SERP2: variants seen among roughly 807,000 people sequenced by gnomAD.
The protein encoded by SERP2 is stress-associated endoplasmic reticulum protein 2.
SERP2 carries 6 observed loss-of-function variants against 9.1 expected under a neutral mutation model. The ratio of observed to expected loss-of-function variants is 0.66; its 90% CI spans 0.36 to 1.30. The LOEUF (loss-of-function observed/expected upper bound fraction) is 1.30, where lower values mean the gene tolerates loss of function less well. Among genes scored for constraint, SERP2 ranks in the 50% most tolerant of loss-of-function variants. The pLI, the probability that SERP2 is intolerant of heterozygous loss-of-function variation, is 0.03. For synonymous variants in SERP2, 37 were observed against 27.3 expected (o/e 1.35, Z -1.10); for missense variants, 58 against 81.9 (o/e 0.71, Z 1.13).
chr13:44,394,348 C>A (rs145223170), intron 2 of SERP2, among the ~76,000 whole-genome samples: 1,920 of 152,288 alleles, frequency 0.013, 44 homozygotes, highest in African/African-American at 0.043. Flanking sequence ...TGGTCTCAAT[C>A]TCTTGACCTC....
At chr13:44,377,287 T>G (rs369784486) in intron 1 of SERP2, among the ~76,000 whole-genome samples, 11 of 152,234 alleles carry the variant, frequency 7.2e-5, no homozygotes, top group African/African-American at 2.4e-4. Context: ...GCTTCTGAAT[T>G]CACTTATTAG....
At position 44,373,949 on chromosome 13, in the gene SERP2, G is replaced by A. The variant is rs1871459628; in HGVS notation, c.-77G>A. The A allele has an allele frequency of 2.2e-6, 3 of 1,382,336 alleles. No individual in the cohort carries two copies. The highest frequency in any genetic ancestry group is 4.3e-5 in the Admixed American group (2 of 46,994). The allele number at this position is 1,382,336 out of a possible 1,614,324, so 85.6% of individuals were successfully genotyped here. On this transcript the variant is annotated 5_prime_UTR_variant, in exon 1 of 3. Coordinates refer to ENST00000379179, the MANE Select transcript of SERP2 (RefSeq NM_001010897.3). The surrounding 1 kb of genome is among the most constrained non-coding windows in gnomAD (Gnocchi z 4.8). The stretch of plus-strand genomic sequence containing the variant: ...CGGGTGGGCCGCGGGGGCCTCGGCG[G>A]GACGCGCTCGGCCCTGTCGCAGGAG...
chr13:44,374,017 G>A lies in SERP2; in HGVS notation c.-9G>A. 1.9e-6 allele frequency: 3 copies of A among 1,592,642 alleles called. No homozygotes were observed. Among genetic ancestry groups the A allele is most frequent in the Non-Finnish European group, 2.6e-6 (3 of 1,169,622 alleles). ...CTTGCAGGTGGGAGCATTTCAGAGC[G>A]CACAAGCCATGGTGGCCAAACAGCG... On this transcript the variant is annotated 5_prime_UTR_variant, in exon 1 of 3. Transcript: ENST00000379179.
chr13:44,384,020 A>G (rs1872176478), intron 2 of SERP2, among the ~76,000 whole-genome samples: 1 of 152,052 alleles, frequency 6.6e-6, no homozygotes, highest in African/African-American at 2.4e-5. Flanking sequence ...TTTTTTAATC[A>G]TAACTAAAAA....
At chr13:44,380,151 C>G (rs1297691307) in intron 2 of SERP2, among the ~76,000 whole-genome samples, 1 of 152,144 alleles carries the variant, frequency 6.6e-6, no homozygotes, top group African/African-American at 2.4e-5. Flanking sequence ...TGACCCAAGC[C>G]TTAAGGTATG....
intron 2 of SERP2, among the ~76,000 whole-genome samples, chr13:44,395,553 G>C (rs1037426089): frequency 6.4e-5 from 9 of 140,456 alleles, no homozygotes; most frequent in Non-Finnish European, 1.4e-4. Flanking sequence ...GCAGTGAGCC[G>C]AGATCGCACC....
chr13:44,381,410 C>T (rs1871970662), intron 2 of SERP2, among the ~76,000 whole-genome samples: 1 of 152,004 alleles, frequency 6.6e-6, no homozygotes, highest in Non-Finnish European at 1.5e-5. Flanking sequence ...GACATGGTGG[C>T]ACGCGCCTGT....
chr13:44,376,492 C>T (rs992552986), intron 1 of SERP2, among the ~76,000 whole-genome samples: 7 of 152,100 alleles, frequency 4.6e-5, no homozygotes, highest in African/African-American at 1.7e-4. Context: ...GAAACAAGGC[C>T]GGGCGTGGTG....
chr13:44,375,046 G>C (rs1417886558), intron 1 of SERP2, among the ~76,000 whole-genome samples: 3 of 152,106 alleles, frequency 2.0e-5, no homozygotes. Context: ...GACATTCAGA[G>C]GCATGAGTCG....
In SERP2 at chr13:44,390,039, C is replaced by T. The variant is rs1872541326; in HGVS notation, c.158-7233C>T. Among the ~76,000 whole-genome samples the T allele has an allele frequency of 2.0e-5, 3 of 152,176 alleles. No homozygotes were observed. In the South Asian group the frequency reaches 6.2e-4, roughly 32 times the overall value. On this transcript the variant is annotated intron_variant, in intron 2 of 2. Coordinates refer to ENST00000379179, the MANE Select transcript of SERP2 (RefSeq NM_001010897.3). ...ACCTACTTCTTTCAGACTCTAAAACCCATCTGTTTTCCATTACCCTGCATT... is the reference window on the plus strand; with the variant it reads ...ACCTACTTCTTTCAGACTCTAAAACTCATCTGTTTTCCATTACCCTGCATT...
chr13:44,385,928 G>A (rs1333442837), intron 2 of SERP2, among the ~76,000 whole-genome samples: 1 of 152,128 alleles, frequency 6.6e-6, no homozygotes, highest in Non-Finnish European at 1.5e-5. Flanking sequence ...CGGTTGTGCT[G>A]TGGGGTGCTT....
At chr13:44,375,401 A>G (rs541857075) in intron 1 of SERP2, among the ~76,000 whole-genome samples, 10 of 152,284 alleles carry the variant, frequency 6.6e-5, no homozygotes, top group Admixed American at 2.6e-4. Flanking sequence ...AGTAATCCTT[A>G]AAATTCTCTC....
intron 2 of SERP2, among the ~76,000 whole-genome samples, chr13:44,380,664 T>C (rs1871920481): frequency 6.6e-6 from 1 of 152,230 alleles, no homozygotes; most frequent in Non-Finnish European, 1.5e-5. Flanking sequence ...TATTGTTGCT[T>C]GTGGCTCAAA....
chr13:44,383,360 G>A (rs1872111885), intron 2 of SERP2, among the ~76,000 whole-genome samples: 2 of 152,062 alleles, frequency 1.3e-5, no homozygotes, highest in Admixed American at 6.5e-5. Context: ...CCTTTTTGGA[G>A]GGTTTAAAAA....
Position 44,379,700 on chromosome 13 carries a change from T to G in SERP2, c.144T>G (p.Val48=), listed in dbSNP as rs750088557. 1.2e-6 allele frequency: 2 copies of G among 1,612,582 alleles called. No homozygotes were observed. The highest frequency in any genetic ancestry group is 1.7e-6 in the Non-Finnish European group (2 of 1,179,006). ...GPWLLALFVF[V]VCGSAIFQII... Reference sequence around the variant, plus strand: ...GGCTGTTGGCACTGTTTGTTTTTGTTGTCTGTGGCTCAGGTATGGGTGTTT... The same window carrying G: ...GGCTGTTGGCACTGTTTGTTTTTGTGGTCTGTGGCTCAGGTATGGGTGTTT... The change falls in exon 2 of 3, where the codon GTT becomes GTG. Residue 48 remains valine, a synonymous_variant. Coordinates refer to ENST00000379179, the MANE Select transcript of SERP2 (RefSeq NM_001010897.3).
chr13:44,385,783 T>A (rs534101448), intron 2 of SERP2, among the ~76,000 whole-genome samples: 33 of 152,106 alleles, frequency 2.2e-4, no homozygotes, highest in Non-Finnish European at 4.6e-4. Flanking sequence ...TGAGCAGCCC[T>A]CCCAAGGTGT....
At chr13:44,378,791 C>T (rs1871805695) in intron 1 of SERP2, among the ~76,000 whole-genome samples, 1 of 151,984 alleles carries the variant, frequency 6.6e-6, no homozygotes, top group Admixed American at 6.6e-5. Flanking sequence ...TGCACATAGA[C>T]CTGGAGGTGT....
At chr13:44,383,544 G>GTTTTTTTTTTTTTTTTTTTTTTT (rs373109847) in intron 2 of SERP2, among the ~76,000 whole-genome samples, 1 of 91,830 alleles carries the variant, frequency 1.1e-5, no homozygotes, top group African/African-American at 4.1e-5. Context: ...GGAGGTTTGC[G>GTTTTTTTTTTTTTTTTTTTTTTT]TTTTTTTTGT....
chr13:44,394,845 A>G lies in SERP2; in HGVS notation c.158-2427A>G, dbSNP rs1872993547. Among the ~76,000 whole-genome samples, 3 of 152,238 alleles carry G rather than the reference A, an allele frequency of 2.0e-5. No individual in the cohort carries two copies. In the South Asian group the frequency reaches 6.2e-4, roughly 32 times the overall value. ...TAGTCATAGTAACAGTGATGATAGC[A>G]GTAGCTACCAGGCAGTGAGTCCTCC... is the stretch of plus-strand genomic sequence containing the variant. On this transcript the variant is annotated intron_variant, in intron 2 of 2. Coordinates refer to ENST00000379179, the MANE Select transcript of SERP2 (RefSeq NM_001010897.3).
Sources: allele counts gnomAD v4.1 joint callset (sites outside exome capture counted in the v4.1 genomes callset), GRCh38; gene constraint gnomAD v4.1.1; non-coding constraint Gnocchi (gnomAD v3.1); transcripts MANE v1.5; gene names NCBI Gene and HGNC (gene_info 2026-07-23, HGNC 2026-07-21).